The following STK32A variants were observed in gnomAD, a reference collection of about 807,000 sequenced individuals.
The protein encoded by STK32A is serine/threonine-protein kinase 32A.
In STK32A, 41 loss-of-function variants were observed where a neutral mutation model predicts 53.2. The observed-to-expected ratio is 0.77, with a 90% confidence interval of 0.60 to 1.00. STK32A has a LOEUF of 1.00. Among genes scored for constraint, STK32A ranks in the 50% least tolerant of loss-of-function variants. The pLI is 0.00. For synonymous variants in STK32A, 166 were observed against 162.8 expected, an observed-to-expected ratio of 1.02 and a Z score of -0.15; for missense variants, 458 against 485.8, an observed-to-expected ratio of 0.94 and a Z score of 0.54.
chr5:147,272,319 C>T (rs1755076542), intron 2 of STK32A, among the ~76,000 whole-genome samples: 1 of 152,158 alleles, frequency 6.6e-6, no homozygotes, highest in East Asian at 1.9e-4. Flanking sequence ...TCTGGTCATC[C>T]ACCCGCCTCA....
At chr5:147,306,249 T>C (rs776523268) in intron 4 of STK32A, among the ~76,000 whole-genome samples, 3 of 152,086 alleles carry the variant, frequency 2.0e-5, no homozygotes, top group African/African-American at 7.2e-5. Context: ...ATAATCCCTT[T>C]GTTGGGAAGT....
At chr5:147,287,233 T>C (rs531372883) in intron 4 of STK32A, among the ~76,000 whole-genome samples, 52 of 152,342 alleles carry the variant, frequency 3.4e-4, no homozygotes, top group African/African-American at 1.2e-3. Context: ...CCTGTTCTTT[T>C]CTTGTGTGTC....
intron 5 of STK32A, among the ~76,000 whole-genome samples, chr5:147,332,601 G>A (rs1228603612): frequency 6.6e-6 from 1 of 152,046 alleles, no homozygotes; most frequent in East Asian, 1.9e-4. Context: ...ATCATCTGTG[G>A]AGTGCTTAAG....
intron 5 of STK32A, among the ~76,000 whole-genome samples, chr5:147,326,187 T>G (rs1234044213): frequency 6.6e-6 from 1 of 152,220 alleles, no homozygotes; most frequent in Non-Finnish European, 1.5e-5. Context: ...TCCCTCTCTT[T>G]TTTTCTCACC....
At chr5:147,297,765 G>A (rs1752933614) in intron 4 of STK32A, among the ~76,000 whole-genome samples, 1 of 152,086 alleles carries the variant, frequency 6.6e-6, no homozygotes, top group African/African-American at 2.4e-5. Context: ...ATCACTTGAG[G>A]TCAGGAGTTT....
intron 2 of STK32A, among the ~76,000 whole-genome samples, chr5:147,274,863 C>T (rs951315776): frequency 6.6e-6 from 1 of 152,098 alleles, no homozygotes; most frequent in Non-Finnish European, 1.5e-5. Context: ...GGTTGTCTGT[C>T]TTCAGGGACT....
rs1757572369 is a variant in STK32A at position 147,384,463 on chromosome 5, G to A, written c.*480G>A. On this transcript the variant is annotated 3_prime_UTR_variant, in exon 13 of 13. Coordinates refer to ENST00000397936, the MANE Select transcript of STK32A (RefSeq NM_001112724.2). The stretch of plus-strand genomic sequence containing the variant: ...GTGGTCAGAATGCCCCAGGCTACTT[G>A]GATAAAGATAAGGAATTCTATCAGG... The A allele has an allele frequency of 6.6e-7, 1 of 1,520,448 alleles. No individual in the cohort carries two copies. Among genetic ancestry groups the A allele is most frequent in the Non-Finnish European group, 8.8e-7 (1 of 1,134,602 alleles). 94.2% of individuals were successfully genotyped at this position (1,520,448 alleles called of 1,614,324 possible).
At chr5:147,365,697 G>C (rs183901090) in intron 8 of STK32A, among the ~76,000 whole-genome samples, 77 of 152,218 alleles carry the variant, frequency 5.1e-4, no homozygotes, top group African/African-American at 1.7e-3. Flanking sequence ...CTTGCTAGCT[G>C]CTTCTGGGGT....
chr5:147,274,387 T>C (rs982882388), intron 2 of STK32A, among the ~76,000 whole-genome samples: 1 of 152,196 alleles, frequency 6.6e-6, no homozygotes, highest in Non-Finnish European at 1.5e-5. Context: ...CCAGACGGTC[T>C]TTCTGTCTTC....
the STK32A span, among the ~76,000 whole-genome samples, chr5:147,398,641 TA>T: frequency 9.2e-5 from 14 of 152,216 alleles, no homozygotes; most frequent in Non-Finnish European, 1.6e-4. Context: ...GTTTACCAGT[TA>T]TTTCCTATTC....
At chr5:147,306,471 C>A (rs1753414711) in intron 4 of STK32A, among the ~76,000 whole-genome samples, 1 of 151,450 alleles carries the variant, frequency 6.6e-6, no homozygotes, top group Non-Finnish European at 1.5e-5. Flanking sequence ...AAAGTGTTAA[C>A]CTTTGTGATT....
intron 1 of STK32A, among the ~76,000 whole-genome samples, chr5:147,236,081 C>A (rs1049083169): frequency 6.6e-6 from 1 of 152,168 alleles, no homozygotes; most frequent in Non-Finnish European, 1.5e-5. Flanking sequence ...AAAGTTGCAA[C>A]TTTCTTGCAT....
downstream of STK32A, among the ~76,000 whole-genome samples, chr5:147,388,239 G>A (rs1002112141): frequency 1.3e-5 from 2 of 152,100 alleles, no homozygotes; most frequent in Admixed American, 6.5e-5. Flanking sequence ...TACCAAAGCA[G>A]CAGGCAGAAG....
Position 147,279,311 on chromosome 5 carries a change from A to T in STK32A, c.173A>T (p.Lys58Met), listed in dbSNP as rs35852718. 17,957 of 1,613,958 alleles carry T rather than the reference A, an allele frequency of 0.011. 137 individuals carry two copies. Among genetic ancestry groups the T allele is most frequent in the Non-Finnish European group, 0.013 (15,822 of 1,179,846 alleles). ...GCAATGAAGTACATGAATAAACAAA[A>T]GTGCGTGGAGCGCAATGAAGTGAGA... ...MYAMKYMNKQ[K>M]CVERNEVRNV... Residue 58 changes from lysine to methionine, a missense_variant, in exon 4 of 13, where the codon AAG becomes ATG. Coordinates refer to ENST00000397936, the MANE Select transcript of STK32A (RefSeq NM_001112724.2).
chr5:147,279,475 G>T, intron 4 of STK32A, 77 bp downstream of exon 4: 1 of 1,356,852 alleles, frequency 7.4e-7, no homozygotes, highest in South Asian at 1.4e-5. Context: ...AAATGCCTCT[G>T]GGACCTCAGC....
At chr5:147,320,831 T>C (rs1045265666) in intron 4 of STK32A, among the ~76,000 whole-genome samples, 1 of 151,422 alleles carries the variant, frequency 6.6e-6, no homozygotes, top group Non-Finnish European at 1.5e-5. Flanking sequence ...AGCTGGAGAG[T>C]GGAAGGAAAA....
intron 8 of STK32A, among the ~76,000 whole-genome samples, chr5:147,362,977 T>A (rs1174728599): frequency 6.6e-6 from 1 of 151,606 alleles, no homozygotes; most frequent in Admixed American, 6.6e-5. Flanking sequence ...TCCCAACTAC[T>A]CAGGTGGTTG....
At chr5:147,332,632 T>C (rs1211948601) in intron 5 of STK32A, among the ~76,000 whole-genome samples, 1 of 152,162 alleles carries the variant, frequency 6.6e-6, no homozygotes, top group Non-Finnish European at 1.5e-5. Context: ...TTCTTTTTGT[T>C]TTGGTAAATC....
At chr5:147,292,962 C>G (rs1300222745) in intron 4 of STK32A, among the ~76,000 whole-genome samples, 1 of 152,098 alleles carries the variant, frequency 6.6e-6, no homozygotes, top group Non-Finnish European at 1.5e-5. Context: ...AACTGATGAA[C>G]TTTTATATTA....
Sources: allele counts gnomAD v4.1 joint callset (sites outside exome capture counted in the v4.1 genomes callset), GRCh38; gene constraint gnomAD v4.1.1; transcripts MANE v1.5; gene names NCBI Gene and HGNC (gene_info 2026-07-23, HGNC 2026-07-21).